Variants in MAPKAP1 observed in about 807,000 individuals in gnomAD.
MAPKAP1 encodes the protein MAPK associated protein 1.
A neutral mutation model predicts 65.7 loss-of-function variants in MAPKAP1; 20 were observed. The observed-to-expected ratio is 0.30, with a 90% CI of 0.21 to 0.44. The LOEUF is 0.44. Among genes scored for constraint, MAPKAP1 ranks in the 20% least tolerant of loss-of-function variants. MAPKAP1 has a pLI of 1.00. For synonymous variants in MAPKAP1, 222 were observed against 244.3 expected, an observed-to-expected ratio of 0.91 and a Z score of 0.85; for missense variants, 423 against 648.0, an observed-to-expected ratio of 0.65 and a Z score of 3.77.
intron 1 of MAPKAP1, among the ~76,000 whole-genome samples, chr9:125,705,300 T>C (rs1486367193): frequency 2.6e-5 from 4 of 152,210 alleles, no homozygotes; most frequent in Non-Finnish European, 5.9e-5. Context: ...AGCTGTGTAA[T>C]TTATTATGGG....
At chr9:125,645,736 CAAA>C (rs1044199278) in intron 4 of MAPKAP1, among the ~76,000 whole-genome samples, 5 of 54,046 alleles carry the variant, frequency 9.3e-5, no homozygotes, top group Middle Eastern at 0.02. Flanking sequence ...GACTCTGTCT[CAAA>C]AAAAAAAAAA....
intron 10 of MAPKAP1, among the ~76,000 whole-genome samples, chr9:125,461,943 C>T (rs952130121): frequency 6.6e-6 from 1 of 152,150 alleles, no homozygotes; most frequent in Non-Finnish European, 1.5e-5. Flanking sequence ...TAGATATCCA[C>T]CTGTCTACCT....
At chr9:125,672,247 T>G in intron 2 of MAPKAP1, 69 bp downstream of exon 2, 1 of 1,540,092 alleles carries the variant, frequency 6.5e-7, no homozygotes, top group Non-Finnish European at 8.9e-7. Flanking sequence ...ATTCCAATAT[T>G]ATGCATTATT....
chr9:125,531,821 G>A (rs773346725), intron 7 of MAPKAP1, among the ~76,000 whole-genome samples: 5 of 152,182 alleles, frequency 3.3e-5, no homozygotes, highest in African/African-American at 7.2e-5. Flanking sequence ...AAATCAAGGA[G>A]GAGACATTAC....
chr9:125,458,301 G>T (rs1291888699), intron 10 of MAPKAP1, among the ~76,000 whole-genome samples: 1 of 151,502 alleles, frequency 6.6e-6, no homozygotes, highest in Admixed American at 6.6e-5. Flanking sequence ...ATAGTGGAGG[G>T]AAGGTCAGCA....
intron 4 of MAPKAP1, among the ~76,000 whole-genome samples, chr9:125,648,142 G>GA (rs557265123): frequency 6.6e-6 from 1 of 152,106 alleles, no homozygotes; most frequent in South Asian, 2.1e-4. Context: ...AAGAGTCTAG[G>GA]AAAAAGAGCT....
chr9:125,659,048 G>C (rs1834113229), intron 3 of MAPKAP1, among the ~76,000 whole-genome samples: 1 of 152,068 alleles, frequency 6.6e-6, no homozygotes. Context: ...ACAGGAGTTC[G>C]ACATAATCAA....
At chr9:125,582,856 G>A (rs981856760) in intron 5 of MAPKAP1, among the ~76,000 whole-genome samples, 1 of 152,118 alleles carries the variant, frequency 6.6e-6, no homozygotes, top group Non-Finnish European at 1.5e-5. Flanking sequence ...AACAATATTT[G>A]CACAGTACAC....
intron 8 of MAPKAP1, among the ~76,000 whole-genome samples, chr9:125,504,307 A>G (rs574046332): frequency 1.2e-4 from 18 of 152,344 alleles, no homozygotes; most frequent in African/African-American, 4.3e-4. Context: ...TTTGGGAATC[A>G]GTGATTTTTA....
chr9:125,596,186 T>A, intron 4 of MAPKAP1: 2 of 768,078 alleles, frequency 2.6e-6, no homozygotes, highest in Non-Finnish European at 4.7e-6. Context: ...ATGGCCACAA[T>A]TGTGAAGTTA....
intron 4 of MAPKAP1, among the ~76,000 whole-genome samples, chr9:125,597,383 G>A (rs1178408002): frequency 6.6e-6 from 1 of 151,480 alleles, no homozygotes; most frequent in Non-Finnish European, 1.5e-5. Flanking sequence ...AGGCTGCAGT[G>A]AGCTATGATT....
chr9:125,595,753 CA>C lies in MAPKAP1; in HGVS notation c.499-10027del. 2 of 1,367,316 alleles carry C rather than the reference CA, an allele frequency of 1.5e-6. No individual in the cohort carries two copies. Among genetic ancestry groups the C allele is most frequent in the Non-Finnish European group, 2.1e-6 (2 of 974,542 alleles). 84.7% of individuals were successfully genotyped at this position (1,367,316 alleles called of 1,614,324 possible). A position where few individuals can be genotyped will look rare whatever the true frequency, so the allele number is the denominator to read the frequency against. On this transcript the variant is annotated intron_variant, in intron 4 of 11. Coordinates refer to ENST00000265960, the MANE Select transcript of MAPKAP1 (RefSeq NM_001006617.3). This position sits in a 1 kb window ranked among gnomAD's most constrained non-coding sequence, Gnocchi z 4.0. ...TGAGCTTTGAAACAACCAATGAGAG[CA>C]AGAGGAGCCATTGTGAGCAATGGGG...
At chr9:125,584,653 C>T (rs2131577622) in intron 5 of MAPKAP1, among the ~76,000 whole-genome samples, 1 of 152,298 alleles carries the variant, frequency 6.6e-6, no homozygotes, top group Admixed American at 6.5e-5. Context: ...TCTCAAACCC[C>T]TGACCTCAGG....
intron 7 of MAPKAP1, among the ~76,000 whole-genome samples, chr9:125,516,932 AT>A (rs1589251809): frequency 6.6e-6 from 1 of 152,242 alleles, no homozygotes; most frequent in East Asian, 1.9e-4. Flanking sequence ...TAATAACAGC[AT>A]CAGCAACTGA....
intron 9 of MAPKAP1, among the ~76,000 whole-genome samples, chr9:125,475,824 G>C (rs1854087156): frequency 6.6e-6 from 1 of 152,202 alleles, no homozygotes. Context: ...CAGGCCCTAA[G>C]AGAATTTACA....
rs527483860 is a variant in MAPKAP1, at chr9:125,672,780, T to C, written c.-69-137A>G. 4.8e-6 allele frequency: 3 copies of C among 627,448 alleles called. No individual in the cohort carries two copies. The South Asian group carries it at 6.1e-5, about 13-fold the overall frequency. The allele number at this position is 627,448 out of a possible 1,614,324, so 38.9% of individuals were successfully genotyped here. A position where few individuals can be genotyped will look rare whatever the true frequency, so the allele number is the denominator to read the frequency against. On this transcript the variant is annotated intron_variant, in intron 1 of 11. Coordinates refer to ENST00000265960, the MANE Select transcript of MAPKAP1 (RefSeq NM_001006617.3). ...CCCTGTTCTGTGGAGCTTAAAAGGA[T>C]TTAGTCTAAGCTGAAAGGAAATCCT...
At chr9:125,692,353 C>T (rs1470251984) in intron 1 of MAPKAP1, among the ~76,000 whole-genome samples, 1 of 152,138 alleles carries the variant, frequency 6.6e-6, no homozygotes, top group Non-Finnish European at 1.5e-5. Flanking sequence ...AAGTACTGAT[C>T]CATGCTACAA....
intron 8 of MAPKAP1, among the ~76,000 whole-genome samples, chr9:125,498,374 T>C (rs1828867948): frequency 6.6e-6 from 1 of 152,212 alleles, no homozygotes; most frequent in Admixed American, 6.5e-5. Context: ...ATTTTGGTCT[T>C]ATCACTTACT....
intron 1 of MAPKAP1, among the ~76,000 whole-genome samples, chr9:125,673,242 T>G (rs1834546054): frequency 6.6e-6 from 1 of 152,210 alleles, no homozygotes; most frequent in Non-Finnish European, 1.5e-5. Context: ...GTTGTGTTTT[T>G]TCTGAGACAG....
Sources: allele counts gnomAD v4.1 joint callset (sites outside exome capture counted in the v4.1 genomes callset), GRCh38; gene constraint gnomAD v4.1.1; non-coding constraint Gnocchi (gnomAD v3.1); transcripts MANE v1.5; gene names NCBI Gene and HGNC (gene_info 2026-07-23, HGNC 2026-07-21).